The following GALNT1 variants were observed in gnomAD, a reference collection of about 807,000 sequenced individuals.
GALNT1 encodes the protein GalNAc transferase 1.
A neutral mutation model predicts 65.7 loss-of-function variants in GALNT1; 17 were observed. The ratio of observed to expected loss-of-function variants is 0.26; its 90% CI spans 0.18 to 0.39. The LOEUF is 0.39. Ranked by LOEUF, GALNT1 falls within the 10% of genes least tolerant of loss-of-function variation. The pLI is 1.00. For missense variants in GALNT1, 460 were observed against 672.8 expected (o/e 0.68, Z 3.50); for synonymous variants, 210 against 219.7 (o/e 0.96, Z 0.39).
chr18:35,661,111 A>G (rs1450635710), intron 2 of GALNT1, among the ~76,000 whole-genome samples: 1 of 152,172 alleles, frequency 6.6e-6, no homozygotes, highest in Non-Finnish European at 1.5e-5. Flanking sequence ...AATTAAGTTT[A>G]TATTTTGTAG....
At chr18:35,709,366 T>C (rs2048318026) in intron 11 of GALNT1, among the ~76,000 whole-genome samples, 1 of 152,052 alleles carries the variant, frequency 6.6e-6, no homozygotes, top group Non-Finnish European at 1.5e-5. Context: ...GCAAGTCAAG[T>C]GTACCCTACT....
At chr18:35,585,885 G>A (rs8099268) in intron 1 of GALNT1, among the ~76,000 whole-genome samples, 34,171 of 152,062 alleles carry the variant, frequency 0.22, 4,334 homozygotes, top group African/African-American at 0.34. Context: ...TGAACATCTG[G>A]TTGTTTCTAG....
chr18:35,691,072 C>T lies in GALNT1; in HGVS notation c.1039C>T (p.Arg347Trp), dbSNP rs1468759653. 3.7e-6 allele frequency: 6 copies of T among 1,611,182 alleles called. No homozygotes were observed. The highest frequency in any genetic ancestry group is 5.1e-6 in the Non-Finnish European group (6 of 1,178,930). Residue 347 changes from arginine (R) to tryptophan (W), a missense_variant, in exon 8 of 12, where the codon CGG (arginine) becomes TGG (tryptophan). Arg to Trp is a moderately radical substitution (Grantham distance 101). Coordinates refer to ENST00000269195, the MANE Select transcript of GALNT1 (RefSeq NM_020474.4). The stretch of plus-strand genomic sequence containing the variant: ...ATGCTCACATGTTGGACATGTGTTT[C>T]GGAAAGCTACACCTTACACGTTTCC... ...VTCSHVGHVFRKATPYTFPGG... is the reference protein window; with the variant it reads ...VTCSHVGHVFWKATPYTFPGG...
At chr18:35,690,091 TATTTTA>T (rs2047934422) in intron 7 of GALNT1, among the ~76,000 whole-genome samples, 1 of 152,200 alleles carries the variant, frequency 6.6e-6, no homozygotes, top group African/African-American at 2.4e-5. Context: ...TCCAAAATGT[TATTTTA>T]ATTATAAAGA....
At chr18:35,672,403 C>G (rs552230378) in intron 3 of GALNT1, among the ~76,000 whole-genome samples, 14 of 152,222 alleles carry the variant, frequency 9.2e-5, no homozygotes, top group Non-Finnish European at 1.9e-4. Context: ...CTCAGCTATG[C>G]TGGACAGAGG....
At chr18:35,684,117 C>T (rs772639744) in intron 5 of GALNT1, among the ~76,000 whole-genome samples, 1 of 152,196 alleles carries the variant, frequency 6.6e-6, no homozygotes, top group Non-Finnish European at 1.5e-5. Context: ...TCATGTTACA[C>T]ATTTTTCAAA....
intron 1 of GALNT1, among the ~76,000 whole-genome samples, chr18:35,652,347 C>T (rs865788879): frequency 3.9e-5 from 6 of 152,324 alleles, no homozygotes; most frequent in Middle Eastern, 3.4e-3. Flanking sequence ...CTTCCTTCCT[C>T]TGACTTTTCA....
intron 11 of GALNT1, 33 bp from the exon 12 acceptor site, chr18:35,709,591 T>TC (rs1293824259): frequency 6.2e-7 from 1 of 1,610,080 alleles, no homozygotes; most frequent in African/African-American, 1.3e-5. Context: ...TTTGTTTTCT[T>TC]CCACTCTCAT....
At chr18:35,637,764 G>A (rs1251868803) in intron 1 of GALNT1, among the ~76,000 whole-genome samples, 3 of 152,124 alleles carry the variant, frequency 2.0e-5, no homozygotes, top group Non-Finnish European at 4.4e-5. Flanking sequence ...GACTTTCATA[G>A]GTAGAGAGAA....
chr18:35,698,752 G>A (rs1386522351), intron 9 of GALNT1, among the ~76,000 whole-genome samples: 2 of 152,054 alleles, frequency 1.3e-5, no homozygotes, highest in East Asian at 3.9e-4. Flanking sequence ...GCCGAGGTGG[G>A]TGGATCATGA....
chr18:35,636,222 T>C (rs2047086923), intron 1 of GALNT1, among the ~76,000 whole-genome samples: 1 of 152,206 alleles, frequency 6.6e-6, no homozygotes, highest in Non-Finnish European at 1.5e-5. Flanking sequence ...AGTAGGATAA[T>C]ATGCAATGTG....
intron 1 of GALNT1, among the ~76,000 whole-genome samples, chr18:35,615,210 T>C (rs151006819): frequency 1.8e-3 from 271 of 152,318 alleles, no homozygotes; most frequent in Middle Eastern, 6.8e-3. Context: ...TGTAAAACTT[T>C]AATCATTGAG....
intron 5 of GALNT1, 94 bp downstream of exon 5, chr18:35,683,692 A>C: frequency 1.0e-6 from 1 of 974,356 alleles, no homozygotes; most frequent in Non-Finnish European, 1.5e-6. Flanking sequence ...ATAAATATAA[A>C]AGTAATTTCC....
At chr18:35,680,660 G>A (rs2047773458) in intron 4 of GALNT1, among the ~76,000 whole-genome samples, 1 of 152,190 alleles carries the variant, frequency 6.6e-6, no homozygotes, top group African/African-American at 2.4e-5. Context: ...TTGATTTCAA[G>A]TTAACCTGCT....
chr18:35,669,111 C>T (rs1435946677), intron 3 of GALNT1, among the ~76,000 whole-genome samples: 3 of 152,068 alleles, frequency 2.0e-5, no homozygotes, highest in East Asian at 1.9e-4. Flanking sequence ...CGTGGTGGCA[C>T]GCACCTGTAG....
In GALNT1 at chr18:35,671,918, C is replaced by T. The variant is rs559568594; in HGVS notation, c.315-5673C>T. 5.3e-5 allele frequency among the ~76,000 whole-genome samples: 8 copies of T among 152,284 alleles called. No individual in the cohort carries two copies. In the East Asian group the frequency reaches 7.7e-4, roughly 15 times the overall value. On this transcript the variant is annotated intron_variant, in intron 3 of 11. Transcript: ENST00000269195. ...TCAAATACTGCTGCTTCACTATTTC[C>T]TCCAATCTGTTCTTTTGGAGCTACT...
At chr18:35,602,992 G>A (rs570301334) in intron 1 of GALNT1, among the ~76,000 whole-genome samples, 1 of 152,310 alleles carries the variant, frequency 6.6e-6, no homozygotes, top group Admixed American at 6.5e-5. Context: ...TCTAGAGTAT[G>A]TTTGCTTAGA....
intron 1 of GALNT1, among the ~76,000 whole-genome samples, chr18:35,628,150 A>G (rs1156775190): frequency 6.6e-6 from 1 of 152,256 alleles, no homozygotes; most frequent in Non-Finnish European, 1.5e-5. Flanking sequence ...GGCAGGGCAT[A>G]GCCGAACAAA....
chr18:35,701,791 A>C (rs75017250), intron 9 of GALNT1, among the ~76,000 whole-genome samples: 2 of 152,200 alleles, frequency 1.3e-5, no homozygotes, highest in Admixed American at 6.5e-5. Context: ...TTAAGTGTTC[A>C]TATTAGAAAA....
Sources: gnomAD v4.1 joint callset for allele counts (sites outside exome capture counted in the v4.1 genomes callset) on GRCh38, gnomAD v4.1.1 for gene constraint, MANE v1.5 for transcripts, NCBI Gene and HGNC (gene_info 2026-07-23, HGNC 2026-07-21) for gene names.